Variants in NAPEPLD observed in about 807,000 individuals in gnomAD.
NAPEPLD encodes N-acyl-phosphatidylethanolamine-hydrolyzing phospholipase D.
A neutral mutation model predicts 38.1 loss-of-function variants in NAPEPLD; 23 were observed. The ratio of observed to expected loss-of-function variants is 0.60; its 90% CI spans 0.43 to 0.86. NAPEPLD has a LOEUF of 0.86. NAPEPLD is among the 40% of genes least tolerant of loss of function. The probability of loss-of-function intolerance (pLI) is 0.00; values close to 1 mark genes in which losing one functional copy is unlikely to be tolerated. For missense variants in NAPEPLD, 411 were observed against 476.8 expected (o/e 0.86, Z 1.28); for synonymous variants, 147 against 162.0 (o/e 0.91, Z 0.71).
At chr7:103,113,321 A>G (rs1343496160) in intron 4 of NAPEPLD, among the ~76,000 whole-genome samples, 3 of 152,138 alleles carry the variant, frequency 2.0e-5, no homozygotes, top group African/African-American at 7.2e-5. Context: ...CCTTCTCCCA[A>G]CAGTGGCCAA....
At chr7:103,106,410 T>C (rs1388152205) in intron 4 of NAPEPLD, among the ~76,000 whole-genome samples, 1 of 151,136 alleles carries the variant, frequency 6.6e-6, no homozygotes, top group Non-Finnish European at 1.5e-5. Context: ...AACCGTTCAC[T>C]CCCCTGGAAA....
upstream of NAPEPLD, chr7:103,149,273 A>T (rs1563379160): frequency 6.7e-6 from 7 of 1,038,300 alleles, no homozygotes; most frequent in Non-Finnish European, 8.1e-6. Context: ...GGGGGTGCGG[A>T]CTCACCTCGC....
chr7:103,114,642 C>G (rs1295299008), intron 4 of NAPEPLD, among the ~76,000 whole-genome samples: 1 of 152,168 alleles, frequency 6.6e-6, no homozygotes, highest in African/African-American at 2.4e-5. Flanking sequence ...CATCCTGATT[C>G]TGAGACCATC....
intron 1 of NAPEPLD, among the ~76,000 whole-genome samples, chr7:103,137,999 A>T (rs1810438932): frequency 7.7e-6 from 1 of 130,620 alleles, no homozygotes; most frequent in Admixed American, 8.5e-5. Context: ...TTTTTTTGAG[A>T]CGGAGTCGCG....
At chr7:103,145,266 A>G (rs1812304117) in intron 1 of NAPEPLD, among the ~76,000 whole-genome samples, 1 of 152,218 alleles carries the variant, frequency 6.6e-6, no homozygotes, top group Non-Finnish European at 1.5e-5. Flanking sequence ...TGTTGCTAAG[A>G]ATACCAAAAA....
At chr7:103,136,273 A>G in intron 1 of NAPEPLD, among the ~76,000 whole-genome samples, 1 of 151,594 alleles carries the variant, frequency 6.6e-6, no homozygotes, top group Non-Finnish European at 1.5e-5. Flanking sequence ...CCTCAAAAAA[A>G]AAATGCAAAT....
chr7:103,106,306 A>G (rs1803327619), intron 4 of NAPEPLD, among the ~76,000 whole-genome samples: 2 of 151,928 alleles, frequency 1.3e-5, no homozygotes, highest in Non-Finnish European at 2.9e-5. Context: ...TTCAAGCACA[A>G]AACTGGGCGG....
intron 1 of NAPEPLD, among the ~76,000 whole-genome samples, chr7:103,139,956 T>C (rs1351450768): frequency 2.0e-5 from 3 of 152,318 alleles, no homozygotes; most frequent in East Asian, 1.9e-4. Flanking sequence ...TGTTTAAGAA[T>C]AGCAGAAAGT....
intron 1 of NAPEPLD, chr7:103,141,734 G>A (rs1811423386): frequency 3.5e-6 from 3 of 858,462 alleles, no homozygotes; most frequent in Non-Finnish European, 6.1e-6. Context: ...CTTCCGGCAG[G>A]CCAAGGTGTT....
chr7:103,104,780 T>TA (rs1341075365), intron 4 of NAPEPLD, among the ~76,000 whole-genome samples: 5 of 152,174 alleles, frequency 3.3e-5, no homozygotes, highest in African/African-American at 1.2e-4. Context: ...CTTTATACCC[T>TA]AAGTCAAGAA....
chr7:103,112,034 T>G (rs1241614842), intron 4 of NAPEPLD, among the ~76,000 whole-genome samples: 3 of 151,446 alleles, frequency 2.0e-5, no homozygotes, highest in Non-Finnish European at 4.4e-5. Context: ...ATTAGAGAAA[T>G]GCAAATCAAA....
rs945358493 is a variant in NAPEPLD, at chr7:103,102,575, G to A, written c.*854C>T. ...TGCCCAGGTTGATGTCAAACTCCTG[G>A]GTTCAAGTGACCCACCCACCTTGGC... On this transcript the variant is annotated 3_prime_UTR_variant, in exon 5 of 5. Coordinates refer to ENST00000465647, the MANE Select transcript of NAPEPLD (RefSeq NM_001122838.3). 6.6e-6 allele frequency: 1 copy of A among 151,840 alleles called. No homozygotes were observed. The highest frequency in any genetic ancestry group is 2.4e-5 in the African/African-American group (1 of 41,318). 9.4% of individuals were successfully genotyped at this position (151,840 alleles called of 1,614,324 possible).
Position 103,134,772 on chromosome 7 carries a change from C to T in NAPEPLD, c.-16-5980G>A, listed in dbSNP as rs1809694183. On this transcript the variant is annotated intron_variant, in intron 1 of 4. Coordinates refer to ENST00000465647, the MANE Select transcript of NAPEPLD (RefSeq NM_001122838.3). ...CTCTACATTTTTTGAAGATTAATTG[C>T]CTATTTAAGAGCAAAAGGACTTATC... 2.0e-5 allele frequency among the ~76,000 whole-genome samples: 3 copies of T among 152,034 alleles called. No individual in the cohort carries two copies. The South Asian group carries it at 6.2e-4, about 32-fold the overall frequency.
At chr7:103,143,943 A>G (rs979730373) in intron 1 of NAPEPLD, among the ~76,000 whole-genome samples, 2 of 152,140 alleles carry the variant, frequency 1.3e-5, no homozygotes, top group African/African-American at 2.4e-5. Context: ...TTGACCTCCT[A>G]AAGTGCTGGG....
At chr7:103,148,100 T>C (rs1812950082) in intron 1 of NAPEPLD, 2 of 984,780 alleles carry the variant, frequency 2.0e-6, no homozygotes, top group South Asian at 9.4e-5. Flanking sequence ...TCATAACCAA[T>C]GTAACTGAAA....
At chr7:103,146,195 T>A (rs1021047016) in intron 1 of NAPEPLD, among the ~76,000 whole-genome samples, 4 of 152,110 alleles carry the variant, frequency 2.6e-5, no homozygotes, top group Non-Finnish European at 5.9e-5. Context: ...TGTGACCAGT[T>A]TTAGCTGGGT....
intron 4 of NAPEPLD, among the ~76,000 whole-genome samples, chr7:103,113,452 G>A (rs1804927289): frequency 6.6e-6 from 1 of 152,094 alleles, no homozygotes; most frequent in Non-Finnish European, 1.5e-5. Flanking sequence ...TTTGGGAGAG[G>A]GCAGGCCATA....
chr7:103,130,293 C>G (rs557331727), intron 1 of NAPEPLD, among the ~76,000 whole-genome samples: 5 of 152,284 alleles, frequency 3.3e-5, no homozygotes, highest in South Asian at 2.1e-4. Context: ...AGTCTGTAAT[C>G]TAGAGAAGAA....
At chr7:103,145,452 C>A (rs980735430) in intron 1 of NAPEPLD, among the ~76,000 whole-genome samples, 2 of 152,192 alleles carry the variant, frequency 1.3e-5, no homozygotes, top group East Asian at 3.8e-4. Flanking sequence ...GAAAGAAAAT[C>A]AACTTTCAGC....
Sources: gnomAD v4.1 joint callset for allele counts (sites outside exome capture counted in the v4.1 genomes callset) on GRCh38, gnomAD v4.1.1 for gene constraint, MANE v1.5 for transcripts, NCBI Gene and HGNC (gene_info 2026-07-23, HGNC 2026-07-21) for gene names.